The following MYO16 variants were observed in gnomAD, a reference collection of about 807,000 sequenced individuals.
The protein encoded by MYO16 is unconventional myosin-XVI.
In MYO16, 94 loss-of-function variants were observed where a neutral mutation model predicts 205.3. The observed-to-expected ratio is 0.46, with a 90% CI of 0.39 to 0.54. MYO16 has a LOEUF of 0.54. Among genes scored for constraint, MYO16 ranks in the 20% least tolerant of loss-of-function variants. MYO16 has a pLI of 0.00. For missense variants in MYO16, 2,315 were observed against 2,387.5 expected (o/e 0.97, Z 0.63); for synonymous variants, 988 against 954.0 (o/e 1.04, Z -0.66).
chr13:108,683,244 C>T (rs1453981391), intron 2 of MYO16, among the ~76,000 whole-genome samples: 1 of 152,140 alleles, frequency 6.6e-6, no homozygotes, highest in African/African-American at 2.4e-5. Flanking sequence ...ATCCTTCCCA[C>T]TTTAAGCAAC....
At chr13:109,176,474 C>CTT (rs944960288) in intron 33 of MYO16, among the ~76,000 whole-genome samples, 2 of 131,902 alleles carry the variant, frequency 1.5e-5, no homozygotes, top group African/African-American at 5.6e-5. Context: ...AATCCGTTTT[C>CTT]TTTTTTTTTA....
intron 12 of MYO16, among the ~76,000 whole-genome samples, chr13:108,866,919 G>A (rs932580593): frequency 1.3e-5 from 2 of 152,098 alleles, no homozygotes; most frequent in South Asian, 4.1e-4. Flanking sequence ...CGGGCAGGGA[G>A]GAGGACAGAG....
intron 11 of MYO16, among the ~76,000 whole-genome samples, chr13:108,861,573 G>A (rs1448250314): frequency 6.6e-6 from 1 of 152,088 alleles, no homozygotes; most frequent in Non-Finnish European, 1.5e-5. Context: ...TTCAGCTTTG[G>A]TAGATACAAC....
chr13:108,917,173 G>A (rs902836630), intron 16 of MYO16, among the ~76,000 whole-genome samples: 25 of 152,226 alleles, frequency 1.6e-4, no homozygotes, highest in African/African-American at 5.3e-4. Context: ...ACGTGACCAC[G>A]TGCTGCCCTA....
chr13:109,151,792 A>C (rs536313394), intron 32 of MYO16, among the ~76,000 whole-genome samples: 1 of 152,218 alleles, frequency 6.6e-6, no homozygotes, highest in Non-Finnish European at 1.5e-5. Context: ...AGGCAAAGCA[A>C]TGAGTGAAAA....
chr13:109,070,728 AAAGGTT>A (rs1440309505), intron 27 of MYO16, among the ~76,000 whole-genome samples: 1 of 152,190 alleles, frequency 6.6e-6, no homozygotes, highest in Non-Finnish European at 1.5e-5. Flanking sequence ...TTTATCTTTT[AAAGGTT>A]ACCTTTCATT....
intron 34 of MYO16, among the ~76,000 whole-genome samples, chr13:109,195,415 G>A (rs950382447): frequency 1.3e-5 from 2 of 152,048 alleles, no homozygotes; most frequent in African/African-American, 2.4e-5. Context: ...ATTTTTCTTG[G>A]TTCTTTAGAA....
At chr13:108,584,089 G>A in the MYO16 span, among the ~76,000 whole-genome samples, 1 of 152,040 alleles carries the variant, frequency 6.6e-6, no homozygotes, top group African/African-American at 2.4e-5. Flanking sequence ...AAGTATCTGG[G>A]ACTACAGGTG....
chr13:109,207,172 T>C lies in MYO16; in HGVS notation c.*336T>C, dbSNP rs1448781256. On this transcript the variant is annotated 3_prime_UTR_variant, in exon 35 of 35. Coordinates refer to ENST00000457511, the MANE Select transcript of MYO16 (RefSeq NM_001198950.3). ...AGTAGCGGAGGAAAGGAGCAATCCA[T>C]GCACACTCTGTACAGTTGTTTTTCT... 6.8e-6 allele frequency: 2 copies of C among 294,134 alleles called. No homozygotes were observed. The highest frequency in any genetic ancestry group is 1.3e-5 in the Non-Finnish European group (2 of 153,548). The allele number at this position is 294,134 out of a possible 1,614,324, so 18.2% of individuals were successfully genotyped here. A position where few individuals can be genotyped will look rare whatever the true frequency, so the allele number is the denominator to read the frequency against.
chr13:108,504,777 C>T, the MYO16 span, among the ~76,000 whole-genome samples: 3 of 151,918 alleles, frequency 2.0e-5, no homozygotes, highest in Non-Finnish European at 4.4e-5. Flanking sequence ...CCTTGTGATC[C>T]ACCCACCTCG....
In MYO16 at chr13:109,140,417, CG is replaced by C; in HGVS notation, c.4210del (p.Ala1404GlnfsTer6). On this transcript the variant is annotated frameshift_variant, in exon 32 of 35. Transcript: ENST00000457511. LOFTEE classifies it high-confidence loss of function. The surrounding 1 kb of genome is among the most constrained non-coding windows in gnomAD (Gnocchi z 8.0). ...RPGDARPAGA[P>X]GAAARVLTPG... ...GGGGACGCGAGGCCCGCGGGCGCCC[CG>C]GGGGCAGCAGCGCGCGTTCTGACCC... 1.9e-6 allele frequency: 3 copies of C among 1,575,872 alleles called. No individual in the cohort carries two copies. The highest frequency in any genetic ancestry group is 8.6e-7 in the Non-Finnish European group (1 of 1,167,468).
intron 20 of MYO16, among the ~76,000 whole-genome samples, chr13:108,975,154 A>G (rs1262387499): frequency 6.6e-6 from 1 of 151,562 alleles, no homozygotes; most frequent in Non-Finnish European, 1.5e-5. Flanking sequence ...ATTTGGAGAT[A>G]TATCAGTATG....
intron 20 of MYO16, among the ~76,000 whole-genome samples, chr13:108,979,563 G>A (rs1329382884): frequency 6.6e-6 from 1 of 151,936 alleles, no homozygotes; most frequent in Non-Finnish European, 1.5e-5. Context: ...TTCTATTTCT[G>A]TGTAGACTTA....
At chr13:108,845,421 G>C (rs1877468815) in intron 10 of MYO16, among the ~76,000 whole-genome samples, 1 of 152,142 alleles carries the variant, frequency 6.6e-6, no homozygotes, top group Non-Finnish European at 1.5e-5. Flanking sequence ...GGTGCAGGTT[G>C]ACTGAAGGTG....
intron 28 of MYO16, chr13:109,101,789 A>G (rs926011067): frequency 1.3e-5 from 2 of 152,224 alleles, no homozygotes; most frequent in African/African-American, 4.8e-5. Flanking sequence ...CGATTACTGG[A>G]AAGTAGACAT....
intron 9 of MYO16, among the ~76,000 whole-genome samples, chr13:108,834,143 A>G (rs978183359): frequency 6.6e-6 from 1 of 152,154 alleles, no homozygotes; most frequent in African/African-American, 2.4e-5. Context: ...TATTGCACCA[A>G]GGGAGAATGA....
chr13:108,891,939 T>A (rs1035469884), intron 14 of MYO16, among the ~76,000 whole-genome samples: 1 of 152,212 alleles, frequency 6.6e-6, no homozygotes, highest in Non-Finnish European at 1.5e-5. Flanking sequence ...TGGCGGTTAG[T>A]TGGCATGTTC....
intron 27 of MYO16, among the ~76,000 whole-genome samples, chr13:109,094,305 G>A (rs1437437378): frequency 6.6e-6 from 1 of 152,048 alleles, no homozygotes; most frequent in African/African-American, 2.4e-5. Flanking sequence ...CAACTTCCTG[G>A]GCTCAATCCA....
chr13:109,067,232 T>A (rs1052974835), intron 27 of MYO16, among the ~76,000 whole-genome samples: 1 of 152,234 alleles, frequency 6.6e-6, no homozygotes, highest in African/African-American at 2.4e-5. Flanking sequence ...ACATTTGTTA[T>A]TATGTAATTA....
Sources: gnomAD v4.1 joint callset for allele counts (sites outside exome capture counted in the v4.1 genomes callset) on GRCh38, gnomAD v4.1.1 for gene constraint, Gnocchi (gnomAD v3.1) non-coding constraint, MANE v1.5 for transcripts, NCBI Gene and HGNC (gene_info 2026-07-23, HGNC 2026-07-21) for gene names.